The following RNF123 variants were observed in gnomAD, a reference collection of about 807,000 sequenced individuals.
RNF123 encodes E3 ubiquitin-protein ligase RNF123.
RNF123 carries 86 observed loss-of-function variants against 168.5 expected under a neutral mutation model. The observed-to-expected ratio is 0.51, with a 90% confidence interval of 0.43 to 0.61. RNF123 has a LOEUF of 0.61. Ranked by LOEUF, RNF123 falls within the 20% of genes least tolerant of loss-of-function variation. The pLI is 0.00. For missense variants in RNF123, 1,419 were observed against 1,729.7 expected, an observed-to-expected ratio of 0.82 and a Z score of 3.19; for synonymous variants, 666 against 689.1, an observed-to-expected ratio of 0.97 and a Z score of 0.52.
At chr3:49,705,275 C>T (rs989943571) in intron 23 of RNF123, 93 bp downstream of exon 23, 16 of 1,428,946 alleles carry the variant, frequency 1.1e-5, no homozygotes, top group Non-Finnish European at 1.4e-5. Context: ...ACCCCATGCC[C>T]TCCCAGCCCT....
At chr3:49,696,968 T>C in intron 3 of RNF123, 175 bp from the exon 4 acceptor site, 1 of 651,802 alleles carries the variant, frequency 1.5e-6, no homozygotes, top group Non-Finnish European at 2.8e-6. Context: ...ACTTTTGAGT[T>C]TAGTGGAGAA....
In RNF123 at chr3:49,701,862, C is replaced by G; in HGVS notation, c.1447C>G (p.Arg483Gly). 6.4e-7 allele frequency: 1 copy of G among 1,570,386 alleles called. No individual in the cohort carries two copies. The highest frequency in any genetic ancestry group is 1.2e-5 in the South Asian group (1 of 85,536). ...GGAGACCGCAGAGGAGCGGCTGCGG[C>G]GGCGAGCCTACGAACGGGGCTGTCA... ...KEETAEERLRRRAYERGCQRL... is the reference protein window; with the variant it reads ...KEETAEERLRGRAYERGCQRL... The change falls in exon 17 of 39, where the codon CGG (arginine) becomes GGG (glycine). Residue 483 changes from arginine to glycine, a missense_variant. Coordinates refer to ENST00000327697, the MANE Select transcript of RNF123 (RefSeq NM_022064.5).
chr3:49,712,760 TG>T, intron 27 of RNF123, 104 bp downstream of exon 27: 1 of 1,314,098 alleles, frequency 7.6e-7, no homozygotes. Flanking sequence ...CACACTTCTG[TG>T]GGGGGCGGGG....
chr3:49,704,809 T>G, intron 22 of RNF123, 53 bp downstream of exon 22: 1 of 1,495,158 alleles, frequency 6.7e-7, no homozygotes, highest in Non-Finnish European at 9.0e-7. Flanking sequence ...TCCTGTATCT[T>G]ATGGGCAGGG....
intron 25 of RNF123, 49 bp downstream of exon 25, chr3:49,706,114 G>GT: frequency 6.5e-7 from 1 of 1,530,386 alleles, no homozygotes; most frequent in Non-Finnish European, 9.1e-7. Flanking sequence ...ACTCGTACAG[G>GT]TAACCACAGA....
rs371617721 is a variant in RNF123, at chr3:49,713,817, C to T, written c.2829C>T (p.Pro943=). The T allele has an allele frequency of 4.3e-5, 69 of 1,612,974 alleles. No individual in the cohort carries two copies. The highest frequency in any genetic ancestry group is 6.7e-5 in the East Asian group (3 of 44,832). ...PHSLRAVERI[P]EEQRIAMVRN... is the part of the protein sequence containing the mutation. The stretch of plus-strand genomic sequence containing the variant: ...CCCTGCGGGCTGTGGAGCGAATCCC[C>T]GAGGAGCAGTGAGTGGGGCCTGGGG... Residue 943 remains proline, a synonymous_variant, in exon 29 of 39, where the codon CCC becomes CCT. Coordinates refer to ENST00000327697, the MANE Select transcript of RNF123 (RefSeq NM_022064.5).
intron 26 of RNF123, among the ~76,000 whole-genome samples, chr3:49,708,063 T>C (rs1023394390): frequency 6.6e-6 from 1 of 152,102 alleles, no homozygotes; most frequent in Non-Finnish European, 1.5e-5. Context: ...CTTGGCTCAC[T>C]GCAACCTCTG....
In RNF123 at chr3:49,699,802, G is replaced by A. The variant is rs1170855547; in HGVS notation, c.984+30G>A. The A allele has an allele frequency of 2.5e-6, 4 of 1,596,528 alleles. No homozygotes were observed. Among genetic ancestry groups the A allele is most frequent in the Admixed American group, 1.7e-5 (1 of 59,990 alleles). ...GCGGCATTGGGAGGGGCATGGGAGG[G>A]GAGGAGACAGGCCATGCTAGACACG... On this transcript the variant is annotated intron_variant, in intron 12 of 38. Coordinates refer to ENST00000327697, the MANE Select transcript of RNF123 (RefSeq NM_022064.5). The surrounding 1 kb of genome is among the most constrained non-coding windows in gnomAD (Gnocchi z 4.8).
chr3:49,698,564 CTG>C, intron 8 of RNF123, 38 bp downstream of exon 8: 1 of 1,603,260 alleles, frequency 6.2e-7, no homozygotes, highest in Non-Finnish European at 8.5e-7. Flanking sequence ...CGCCCCATGA[CTG>C]TTACTACAGC....
chr3:49,696,989 T>C lies in RNF123; in HGVS notation c.168-154T>C. The C allele has an allele frequency of 4.3e-6, 3 of 705,790 alleles. No individual in the cohort carries two copies. The South Asian group carries it at 4.5e-5, about 11-fold the overall frequency. The allele number at this position is 705,790 out of a possible 1,614,324, so 43.7% of individuals were successfully genotyped here. A position where few individuals can be genotyped will look rare whatever the true frequency, so the allele number is the denominator to read the frequency against. ...GAGTTTAGTGGAGAATTCGGCCTTC[T>C]GACCTCCTGCATGCCAGAGTCTAGG... On this transcript the variant is annotated intron_variant, in intron 3 of 38. Coordinates refer to ENST00000327697, the MANE Select transcript of RNF123 (RefSeq NM_022064.5).
chr3:49,706,923 T>C (rs1359281381), intron 26 of RNF123, 25 bp downstream of exon 26: 2 of 1,594,058 alleles, frequency 1.3e-6, no homozygotes, highest in Admixed American at 3.3e-5. Context: ...CAGCTGCCCC[T>C]TCCCGACCTC....
chr3:49,690,565 A>T (rs1267721682), intron 1 of RNF123, among the ~76,000 whole-genome samples: 10 of 152,244 alleles, frequency 6.6e-5, no homozygotes, highest in Non-Finnish European at 1.5e-4. Flanking sequence ...GGGAGGCCAC[A>T]TGTGTGAGTG....
At chr3:49,720,387 A>G in intron 35 of RNF123, 124 bp from the exon 36 acceptor site, 1 of 948,370 alleles carries the variant, frequency 1.1e-6, no homozygotes, top group South Asian at 2.5e-5. Context: ...GGAAGCAGGG[A>G]GACGGAAAGG....
chr3:49,718,116 G>A lies in RNF123; in HGVS notation c.3500+1639G>A, dbSNP rs781380633. The A allele has an allele frequency of 3.7e-6, 6 of 1,613,572 alleles. No homozygotes were observed. The South Asian group carries it at 4.4e-5, about 12-fold the overall frequency. On this transcript the variant is annotated intron_variant, in intron 35 of 38. Coordinates refer to ENST00000327697, the MANE Select transcript of RNF123 (RefSeq NM_022064.5). ...GCTCCAGAAAGACTACGTGCTTGTG[G>A]ACGCTGGCCTTGCGGCTGGGTGCGT...
At chr3:49,700,043 G>A in intron 12 of RNF123, 184 bp from the exon 13 acceptor site, 1 of 803,616 alleles carries the variant, frequency 1.2e-6, no homozygotes, top group Non-Finnish European at 1.9e-6. Flanking sequence ...AGCCTTAGAG[G>A]AGCCGTGGGG....
chr3:49,708,856 T>G (rs1265415533), intron 26 of RNF123, among the ~76,000 whole-genome samples: 1 of 152,250 alleles, frequency 6.6e-6, no homozygotes, highest in East Asian at 1.9e-4. Context: ...GTAATGAACA[T>G]GGGTTTGCAA....
intron 26 of RNF123, among the ~76,000 whole-genome samples, chr3:49,711,852 C>G (rs918438367): frequency 8.5e-5 from 13 of 152,192 alleles, no homozygotes; most frequent in African/African-American, 3.1e-4. Flanking sequence ...ACCACCTTCT[C>G]CTTTGCACTC....
At chr3:49,700,751 C>T (rs750973359) in intron 15 of RNF123, 42 bp downstream of exon 15, 33 of 1,604,344 alleles carry the variant, frequency 2.1e-5, no homozygotes, top group Non-Finnish European at 2.6e-5. Flanking sequence ...CATGGGGTGC[C>T]CTCTGGACTC....
In RNF123 at chr3:49,698,837, T is replaced by A; in HGVS notation, c.638+15T>A. On this transcript the variant is annotated intron_variant, in intron 9 of 38. Coordinates refer to ENST00000327697, the MANE Select transcript of RNF123 (RefSeq NM_022064.5). ...TCCTTCTGCCTGTGAGTTTCCTATC[T>A]CTATGCACAGGCCTGGCCCCTGGGG... 1 of 1,613,688 alleles carries A rather than the reference T, an allele frequency of 6.2e-7. No homozygotes were observed. Among genetic ancestry groups the A allele is most frequent in the Non-Finnish European group, 8.5e-7 (1 of 1,179,780 alleles).
Sources: allele counts gnomAD v4.1 joint callset (sites outside exome capture counted in the v4.1 genomes callset), GRCh38; gene constraint gnomAD v4.1.1; non-coding constraint Gnocchi (gnomAD v3.1); transcripts MANE v1.5; gene names NCBI Gene and HGNC (gene_info 2026-07-23, HGNC 2026-07-21).